The following MILR1 variants were observed in gnomAD, a reference collection of about 807,000 sequenced individuals.
MILR1 encodes the protein allergin-1.
MILR1 carries 31 observed loss-of-function variants against 18.5 expected under a neutral mutation model. The ratio of observed to expected loss-of-function variants is 1.68; its 90% CI spans 1.26 to 2.26. The LOEUF is 2.26. MILR1 is among the 30% of genes most tolerant of loss of function. The probability of loss-of-function intolerance (pLI) is 0.00; values close to 1 mark genes in which losing one functional copy is unlikely to be tolerated. For synonymous variants in MILR1, 85 were observed against 56.2 expected, an observed-to-expected ratio of 1.51 and a Z score of -2.30; for missense variants, 257 against 157.4, an observed-to-expected ratio of 1.63 and a Z score of -3.38.
At chr17:64,454,734 G>A (rs896212896) in intron 3 of MILR1, among the ~76,000 whole-genome samples, 2 of 152,142 alleles carry the variant, frequency 1.3e-5, no homozygotes, top group African/African-American at 2.4e-5. Context: ...TGTCTCACAG[G>A]TGTAATCCCA....
At chr17:64,469,187 ATATAT>A (rs782194116), downstream of MILR1, among the ~76,000 whole-genome samples, 1 of 152,296 alleles carries the variant, frequency 6.6e-6, no homozygotes, top group Non-Finnish European at 1.5e-5. Flanking sequence ...AATTGGAATA[ATATAT>A]TTTATTTAAC....
chr17:64,482,868 G>C, the MILR1 span: 2 of 1,066,646 alleles, frequency 1.9e-6, no homozygotes, highest in East Asian at 4.7e-5. Context: ...AAGCGTTTTT[G>C]GATAATACTC....
the MILR1 span, chr17:64,496,648 C>A: frequency 1.2e-6 from 2 of 1,613,932 alleles, no homozygotes; most frequent in Admixed American, 3.3e-5. Flanking sequence ...CCAGGTTCTT[C>A]CGCAACTCTA....
the MILR1 span, among the ~76,000 whole-genome samples, chr17:64,475,289 T>C: frequency 2.0e-5 from 3 of 152,136 alleles, no homozygotes; most frequent in Admixed American, 6.6e-5. Context: ...AATCCAGCAT[T>C]TATCCTACCT....
At chr17:64,480,371 T>G in the MILR1 span, 1 of 1,573,096 alleles carries the variant, frequency 6.4e-7, no homozygotes. Flanking sequence ...AGTAACTCAT[T>G]AAATAGCCCT....
chr17:64,459,843 C>T (rs928093274), intron 4 of MILR1, among the ~76,000 whole-genome samples: 89 of 152,270 alleles, frequency 5.8e-4, no homozygotes, highest in Non-Finnish European at 9.4e-4. Context: ...CCAGTAAACA[C>T]CCAGGCTTTT....
intron 9 of MILR1, chr17:64,468,072 G>C: frequency 2.8e-6 from 1 of 360,116 alleles, no homozygotes; most frequent in East Asian, 7.6e-5. Context: ...TGAGTTGTGG[G>C]GGAGGGAGAA....
At chr17:64,487,275 T>C in the MILR1 span, 3 of 152,238 alleles carry the variant, frequency 2.0e-5, no homozygotes, top group African/African-American at 7.2e-5. Flanking sequence ...GGGACTCTAT[T>C]CTACCAGTTG....
chr17:64,468,724 C>T (rs1480772385), downstream of MILR1: 5 of 701,944 alleles, frequency 7.1e-6, no homozygotes, highest in Non-Finnish European at 8.8e-6. Context: ...CTGGTCAGCA[C>T]TGTCCAATAG....
At chr17:64,496,965 G>A in the MILR1 span, 2 of 1,604,576 alleles carry the variant, frequency 1.2e-6, no homozygotes, top group South Asian at 2.2e-5. Flanking sequence ...ACACGAGAGC[G>A]CATCTCTCTC....
the MILR1 span, among the ~76,000 whole-genome samples, chr17:64,489,361 TA>T: frequency 1.4e-3 from 193 of 135,194 alleles, no homozygotes; most frequent in East Asian, 2.7e-3. Context: ...TGTTTTTTTT[TA>T]AAAAAAAAAA....
chr17:64,454,425 C>T (rs2037244463), intron 3 of MILR1, among the ~76,000 whole-genome samples: 1 of 152,134 alleles, frequency 6.6e-6, no homozygotes, highest in Non-Finnish European at 1.5e-5. Flanking sequence ...AAAAAATTTC[C>T]CTCCACAGTC....
intron 2 of MILR1, among the ~76,000 whole-genome samples, chr17:64,452,082 G>GTTTTTT (rs34558703): frequency 2.9e-5 from 4 of 137,200 alleles, no homozygotes; most frequent in South Asian, 2.4e-4. Flanking sequence ...TCCCAGCTAT[G>GTTTTTT]TTTTTTTTTT....
intron 4 of MILR1, among the ~76,000 whole-genome samples, chr17:64,459,364 T>G (rs1434257070): frequency 6.6e-6 from 1 of 151,664 alleles, no homozygotes; most frequent in Non-Finnish European, 1.5e-5. Flanking sequence ...GCCTGAGAGG[T>G]CGAGGCTGCA....
At chr17:64,485,528 T>C in the MILR1 span, 1 of 594,826 alleles carries the variant, frequency 1.7e-6, no homozygotes, top group Non-Finnish European at 3.0e-6. Flanking sequence ...GGATTACTTA[T>C]TAGGGATGCC....
chr17:64,485,228 TTC>T, the MILR1 span: 1 of 157,826 alleles, frequency 6.3e-6, no homozygotes, highest in African/African-American at 2.4e-5. Flanking sequence ...CCTCTCGATT[TTC>T]TTTGACCCAT....
chr17:64,492,730 A>G, the MILR1 span: 12 of 1,613,386 alleles, frequency 7.4e-6, no homozygotes, highest in Non-Finnish European at 1.0e-5. Flanking sequence ...AAGTTCTCGG[A>G]GGAGTAAACC....
At chr17:64,496,246 G>A in the MILR1 span, among the ~76,000 whole-genome samples, 3 of 152,114 alleles carry the variant, frequency 2.0e-5, no homozygotes, top group Non-Finnish European at 4.4e-5. Flanking sequence ...GTTTTCTCCA[G>A]GGTAGAGCAC....
intron 5 of MILR1, among the ~76,000 whole-genome samples, chr17:64,463,817 AT>A (rs1200586705): frequency 0.014 from 1,494 of 103,906 alleles, 4 homozygotes; most frequent in African/African-American, 0.025. Context: ...CTCCTGGCTA[AT>A]TTTTTTTTTT....
Sources: allele counts gnomAD v4.1 joint callset (sites outside exome capture counted in the v4.1 genomes callset), GRCh38; gene constraint gnomAD v4.1.1; transcripts MANE v1.5; gene names NCBI Gene and HGNC (gene_info 2026-07-23, HGNC 2026-07-21).